TRIML2: variants seen among roughly 807,000 people sequenced by gnomAD.
The protein encoded by TRIML2 is probable E3 ubiquitin-protein ligase TRIML2.
A neutral mutation model predicts 31.2 loss-of-function variants in TRIML2; 28 were observed. The ratio of observed to expected loss-of-function variants is 0.90; its 90% CI spans 0.66 to 1.23. The LOEUF (loss-of-function observed/expected upper bound fraction) is 1.23, where lower values mean the gene tolerates loss of function less well. Ranked by LOEUF, TRIML2 falls within the 50% of genes most tolerant of loss-of-function variation. The pLI, the probability that TRIML2 is intolerant of heterozygous loss-of-function variation, is 0.00. For synonymous variants in TRIML2, 187 were observed against 197.5 expected, an observed-to-expected ratio of 0.95 and a Z score of 0.45; for missense variants, 536 against 528.3, an observed-to-expected ratio of 1.01 and a Z score of -0.14.
chr4:188,098,908 G>A, intron 5 of TRIML2, 127 bp downstream of exon 5: 1 of 1,111,928 alleles, frequency 9.0e-7, no homozygotes, highest in Admixed American at 2.6e-5. Flanking sequence ...AGAAAGTCAT[G>A]TAGCCTTCTT....
At chr4:188,096,818 G>A (rs569668650) in intron 7 of TRIML2, among the ~76,000 whole-genome samples, 1 of 151,846 alleles carries the variant, frequency 6.6e-6, no homozygotes, top group African/African-American at 2.4e-5. Context: ...CACCACAACT[G>A]GCTAATTTTC....
intron 7 of TRIML2, among the ~76,000 whole-genome samples, chr4:188,095,214 T>G (rs1733452837): frequency 6.6e-6 from 1 of 152,100 alleles, no homozygotes; most frequent in African/African-American, 2.4e-5. Context: ...CTTTGTTGGC[T>G]TTGGCAAAAT....
chr4:188,106,672 C>T lies in TRIML2; in HGVS notation c.-222-1082G>A, dbSNP rs139144549. The stretch of plus-strand genomic sequence containing the variant: ...ACTGGAGGGCTTCGCCCCGGAAGAT[C>T]TATCGTGCTCCTGGCAGGCGCGTCC... On this transcript the variant is annotated intron_variant, in intron 1 of 7. Coordinates refer to ENST00000682553, the MANE Select transcript of TRIML2 (RefSeq NM_173553.4). 9 of 158,708 alleles carry T rather than the reference C, an allele frequency of 5.7e-5. No individual in the cohort carries two copies. The South Asian group carries it at 1.4e-3, about 25-fold the overall frequency. The allele number at this position is 158,708 out of a possible 1,614,324, so 9.8% of individuals were successfully genotyped here.
Position 188,094,047 on chromosome 4 carries a change from C to T in TRIML2, c.746-2106G>A, listed in dbSNP as rs1024868384. Among the ~76,000 whole-genome samples, 14 of 151,316 alleles carry T rather than the reference C, an allele frequency of 9.3e-5. No homozygotes were observed. The South Asian group carries it at 1.0e-3, about 11-fold the overall frequency. On this transcript the variant is annotated intron_variant, in intron 7 of 7. Transcript: ENST00000682553. ...AGGAGGTTGCGGTGAGCTGAGGCTT[C>T]GCCATTGCACTCCAGCCTGGGTGAC...
intron 3 of TRIML2, among the ~76,000 whole-genome samples, chr4:188,103,867 G>A (rs1733913105): frequency 6.6e-6 from 1 of 152,110 alleles, no homozygotes; most frequent in Non-Finnish European, 1.5e-5. Flanking sequence ...TGAAAAAGAA[G>A]GGGGATCGGT....
In TRIML2 at chr4:188,104,878, T is replaced by G. The variant is rs753914974; in HGVS notation, c.244A>C (p.Ser82Arg). 1.2e-6 allele frequency: 2 copies of G among 1,613,952 alleles called. No individual in the cohort carries two copies. Among genetic ancestry groups the G allele is most frequent in the African/African-American group, 2.7e-5 (2 of 74,916 alleles). ...CTTTCTTGCTCATCAGTCAATATGC[T>G]TTTAGCTGCTTCAAGTTTCTCCCTC... ...TSREKLEAAK[S>R]ILTDEQERMA... Residue 82 changes from serine (S) to arginine (R), a missense_variant, in exon 3 of 8, where the codon AGC becomes CGC. Physicochemically the swap from Ser to Arg is moderately radical, Grantham distance 110. Transcript: ENST00000682553.
Position 188,097,320 on chromosome 4 carries a change from T to C in TRIML2, c.644+4A>G. ...ACCCAATTGTATCCAAAATGAAAAC[T>C]CACCTTTCTAAAGAGTATTTTGCAT... On this transcript the variant is annotated splice_donor_region_variant and intron_variant, in intron 6 of 7. Coordinates refer to ENST00000682553, the MANE Select transcript of TRIML2 (RefSeq NM_173553.4). The C allele has an allele frequency of 1.2e-6, 2 of 1,613,932 alleles. No individual in the cohort carries two copies. Among genetic ancestry groups the C allele is most frequent in the Non-Finnish European group, 1.7e-6 (2 of 1,179,876 alleles).
intron 3 of TRIML2, among the ~76,000 whole-genome samples, chr4:188,102,285 G>A (rs1047203692): frequency 2.6e-5 from 4 of 152,012 alleles, no homozygotes; most frequent in African/African-American, 7.2e-5. Flanking sequence ...AGGAGTCATG[G>A]ACGAAAGACA....
chr4:188,102,109 G>A (rs1210381276), intron 3 of TRIML2, among the ~76,000 whole-genome samples: 4 of 145,828 alleles, frequency 2.7e-5, no homozygotes, highest in Non-Finnish European at 3.0e-5. Context: ...CAGCCTGGGC[G>A]ACAGAGGGAG....
intron 7 of TRIML2, among the ~76,000 whole-genome samples, chr4:188,095,913 C>G (rs1361111009): frequency 6.6e-6 from 1 of 152,194 alleles, no homozygotes; most frequent in African/African-American, 2.4e-5. Flanking sequence ...TATATGTCAA[C>G]TGCAGTATGC....
intron 1 of TRIML2, among the ~76,000 whole-genome samples, chr4:188,106,258 A>G (rs924852304): frequency 2.6e-5 from 4 of 152,040 alleles, no homozygotes; most frequent in African/African-American, 7.2e-5. Flanking sequence ...TCACCGTGTT[A>G]GCCAGGATGG....
intron 7 of TRIML2, among the ~76,000 whole-genome samples, chr4:188,093,245 C>A (rs1298152730): frequency 1.3e-5 from 2 of 152,170 alleles, no homozygotes; most frequent in Non-Finnish European, 2.9e-5. Context: ...GAACTTAAAT[C>A]TCTGAATTTG....
intron 2 of TRIML2, 66 bp downstream of exon 2, chr4:188,105,114 G>A: frequency 6.5e-7 from 1 of 1,533,430 alleles, no homozygotes; most frequent in Non-Finnish European, 8.9e-7. Flanking sequence ...GGACCAGAAT[G>A]TCTGTCCATT....
rs191107087 is a variant in TRIML2, at chr4:188,097,905, T to C, written c.622-559A>G. ...GGGAGGCCAAGGTGGGCGTATAACC[T>C]GAGGTCGGGAGTTTAAGACCAGACT... On this transcript the variant is annotated intron_variant, in intron 5 of 7. Coordinates refer to ENST00000682553, the MANE Select transcript of TRIML2 (RefSeq NM_173553.4). Among the ~76,000 whole-genome samples, 167 of 152,282 alleles carry C rather than the reference T, an allele frequency of 1.1e-3. 2 individuals carry two copies. The highest frequency in any genetic ancestry group is 3.8e-3 in the African/African-American group (157 of 41,562).
Position 188,091,618 on chromosome 4 carries a change from G to A in TRIML2, c.1069C>T (p.Pro357Ser). 1.2e-6 allele frequency: 2 copies of A among 1,614,144 alleles called. No individual in the cohort carries two copies. The highest frequency in any genetic ancestry group is 8.5e-7 in the Non-Finnish European group (1 of 1,180,012). ...TTTTCCAGGAAGAGCCTTTTCAGAG[G>A]GGGGAAGACCCAGAGAGTCCACTCG... ...GTEWTLWVFP[P>S]LKRLFLEKKL... The change falls in exon 8 of 8, where the codon CCT (proline) becomes TCT (serine). Residue 357 changes from proline (P) to serine (S), a missense_variant. Transcript: ENST00000682553.
Position 188,091,833 on chromosome 4 carries a change from T to C in TRIML2, c.854A>G (p.Glu285Gly). 6.2e-7 allele frequency: 1 copy of C among 1,614,146 alleles called. No homozygotes were observed. The highest frequency in any genetic ancestry group is 8.5e-7 in the Non-Finnish European group (1 of 1,180,044). The change falls in exon 8 of 8, where the codon GAA becomes GGA. Residue 285 changes from glutamate to glycine, a missense_variant. Coordinates refer to ENST00000682553, the MANE Select transcript of TRIML2 (RefSeq NM_173553.4). ...HGQQDGAGNPERLDFSAMVLA... is the reference protein window; with the variant it reads ...HGQQDGAGNPGRLDFSAMVLA... ...CACCATGGCACTGAAATCCAATCTTTCTGGGTTGCCAGCCCCATCCTGCTG... is the reference window on the plus strand; with the variant it reads ...CACCATGGCACTGAAATCCAATCTTCCTGGGTTGCCAGCCCCATCCTGCTG...
intron 1 of TRIML2, among the ~76,000 whole-genome samples, chr4:188,106,207 G>A (rs928697727): frequency 2.0e-4 from 30 of 151,588 alleles, no homozygotes; most frequent in South Asian, 2.1e-4. Context: ...CCGCCACCTC[G>A]CCCGGCTAAT....
intron 7 of TRIML2, among the ~76,000 whole-genome samples, chr4:188,095,719 A>G (rs75874743): frequency 6.6e-6 from 1 of 152,326 alleles, no homozygotes; most frequent in East Asian, 1.9e-4. Flanking sequence ...TAGACAGTCA[A>G]TCAAGAACTA....
rs1014318735 is a variant in TRIML2 at position 188,098,125 on chromosome 4, A to AGGG, written c.622-780_622-779insCCC. On this transcript the variant is annotated intron_variant, in intron 5 of 7. Transcript: ENST00000682553. ...ATAGAGCGAGACTCCGTCTCGGGGA[A>AGGG]AAAAAAAAAAAAAAAGGTAACCCAC... 2.0e-4 allele frequency: 37 copies of AGGG among 188,222 alleles called. 1 individual carries two copies. Among genetic ancestry groups the AGGG allele is most frequent in the African/African-American group, 8.0e-4 (33 of 41,390 alleles). The allele number at this position is 188,222 out of a possible 1,614,324, so 11.7% of individuals were successfully genotyped here.
Sources: allele counts gnomAD v4.1 joint callset (sites outside exome capture counted in the v4.1 genomes callset), GRCh38; gene constraint gnomAD v4.1.1; transcripts MANE v1.5; gene names NCBI Gene and HGNC (gene_info 2026-07-23, HGNC 2026-07-21).